LAMB4: variants seen among roughly 807,000 people sequenced by gnomAD.
LAMB4 encodes the protein laminin subunit beta-4.
Under a neutral mutation model 199.2 loss-of-function variants are expected in LAMB4, and 196 were observed. That is an observed-to-expected ratio of 0.98 (90% CI 0.88 to 1.11). The LOEUF is 1.11. Ranked by LOEUF, LAMB4 falls within the 50% of genes least tolerant of loss-of-function variation. LAMB4 has a pLI of 0.00. For missense variants in LAMB4, 2,080 were observed against 2,171.2 expected (o/e 0.96, Z 0.83); for synonymous variants, 744 against 770.6 (o/e 0.97, Z 0.57).
Position 108,104,513 on chromosome 7 carries a change from T to C in LAMB4, c.977A>G (p.Asp326Gly). 6.2e-7 allele frequency: 1 copy of C among 1,614,200 alleles called. No individual in the cohort carries two copies. The highest frequency in any genetic ancestry group is 8.5e-7 in the Non-Finnish European group (1 of 1,180,014). The part of the protein sequence containing the change: ...APWRPAADLQ[D>G]NACRSCSCNS... ...GTTTCACCCACATCTGCAAGCGTTG[T>C]CCTGGAGGTCTGCAGCTGGCCTCCA... Residue 326 changes from aspartate (D) to glycine (G), a missense_variant, in exon 9 of 34, where the codon GAC (aspartate) becomes GGC (glycine). Coordinates refer to ENST00000388781, the MANE Select transcript of LAMB4 (RefSeq NM_007356.3).
Position 108,104,620 on chromosome 7 carries a change from C to T in LAMB4, c.871-1G>A. 1 of 1,613,818 alleles carries T rather than the reference C, an allele frequency of 6.2e-7. No homozygotes were observed. The highest frequency in any genetic ancestry group is 8.5e-7 in the Non-Finnish European group (1 of 1,179,878). ...GCTGACACACACACTGACCGTGAAC[C>T]TGCATTGTGCAATAAATAGAGCGTT... On this transcript the variant is annotated splice_acceptor_variant, in intron 8 of 33. Coordinates refer to ENST00000388781, the MANE Select transcript of LAMB4 (RefSeq NM_007356.3). LOFTEE classifies it high-confidence loss of function.
intron 17 of LAMB4, among the ~76,000 whole-genome samples, chr7:108,073,294 C>G (rs2036595597): frequency 6.6e-6 from 1 of 152,242 alleles, no homozygotes; most frequent in African/African-American, 2.4e-5. Flanking sequence ...GCGTAAGCCA[C>G]CGCGCCCGGC....
downstream of LAMB4, among the ~76,000 whole-genome samples, chr7:108,020,741 A>G (rs2034675461): frequency 6.6e-6 from 1 of 152,222 alleles, no homozygotes; most frequent in African/African-American, 2.4e-5. Context: ...ATGACTCACA[A>G]GCAAAAGGTT....
intron 14 of LAMB4, among the ~76,000 whole-genome samples, chr7:108,080,080 C>T (rs777331687): frequency 6.6e-6 from 1 of 152,162 alleles, no homozygotes; most frequent in Non-Finnish European, 1.5e-5. Flanking sequence ...TGAGCAAATT[C>T]CACATTGATA....
intron 28 of LAMB4, among the ~76,000 whole-genome samples, chr7:108,046,805 T>C (rs551077550): frequency 3.3e-5 from 5 of 152,168 alleles, no homozygotes; most frequent in Admixed American, 3.3e-4. Context: ...AATTTGTATA[T>C]TTAGTAGGTT....
Position 108,037,606 on chromosome 7 carries a change from A to G in LAMB4, c.4472-11T>C. The G allele has an allele frequency of 1.9e-6, 3 of 1,608,932 alleles. No homozygotes were observed. The highest frequency in any genetic ancestry group is 2.6e-6 in the Non-Finnish European group (3 of 1,175,444). On this transcript the variant is annotated splice_polypyrimidine_tract_variant and intron_variant, in intron 29 of 33. Transcript: ENST00000388781. The stretch of plus-strand genomic sequence containing the variant: ...GAGGCACGTTTTCCTCTTAAATAAG[A>G]AGCAGGGTTTTAGGTAATCATGTCT...
rs1235249459 is a variant in LAMB4, at chr7:108,123,155, G to A, written c.10C>T (p.Gln4Ter). 1 of 1,610,944 alleles carries A rather than the reference G, an allele frequency of 6.2e-7. No individual in the cohort carries two copies. Residue 4 changes from glutamine to a stop codon, truncating the protein, a stop_gained, in exon 2 of 34, where the codon CAA (glutamine) becomes TAA (stop). Coordinates refer to ENST00000388781, the MANE Select transcript of LAMB4 (RefSeq NM_007356.3). LOFTEE classifies it high-confidence loss of function. ...CCAAGGTGCAAAAAAAGGGTCAGTT[G>A]AAATTGCATTCTTTTGTCAGGAGAT... MQF[Q>*]LTLFLHLGWL...
intron 2 of LAMB4, 91 bp from the exon 3 acceptor site, chr7:108,116,252 A>T (rs1249118488): frequency 1.6e-6 from 2 of 1,222,046 alleles, no homozygotes; most frequent in East Asian, 4.8e-5. Flanking sequence ...AAAGTTATGT[A>T]TTTATTTAAT....
chr7:108,093,274 C>T (rs1293869475), intron 12 of LAMB4, among the ~76,000 whole-genome samples: 1 of 152,024 alleles, frequency 6.6e-6, no homozygotes, highest in East Asian at 1.9e-4. Flanking sequence ...ACCGTGTTAG[C>T]CAGGCTGGTC....
At position 108,105,954 on chromosome 7, in the gene LAMB4, G is replaced by T. The variant is rs778336326; in HGVS notation, c.733C>A (p.Gln245Lys). Residue 245 changes from glutamine (Q) to lysine (K), a missense_variant, in exon 8 of 34, where the codon CAA becomes AAA. Physicochemically the swap from Gln to Lys is moderately conservative, Grantham distance 53. Transcript: ENST00000388781. ...TLGDALLGRR[Q>K]NDSLDKYYYA... ...TAGTATTTATCAAGGGAATCATTTT[G>T]CCTCCTTCCAAGCAAAGCATCCCCA... The T allele has an allele frequency of 1.2e-6, 2 of 1,614,166 alleles. No individual in the cohort carries two copies. Among genetic ancestry groups the T allele is most frequent in the South Asian group, 1.1e-5 (1 of 91,088 alleles).
At position 108,107,549 on chromosome 7, in the gene LAMB4, T is replaced by C. The variant is rs1473945905; in HGVS notation, c.591+82A>G. On this transcript the variant is annotated intron_variant, in intron 6 of 33. Transcript: ENST00000388781. Reference sequence around the variant, plus strand: ...GCCCAACTTACATTACAGTAAACACTATCGAAAGTTTTTCATTTAAGTTAA... The same window carrying C: ...GCCCAACTTACATTACAGTAAACACCATCGAAAGTTTTTCATTTAAGTTAA... 16 of 1,086,722 alleles carry C rather than the reference T, an allele frequency of 1.5e-5. No homozygotes were observed. In the East Asian group the frequency reaches 3.7e-4, roughly 25 times the overall value. 67.3% of individuals were successfully genotyped at this position (1,086,722 alleles called of 1,614,324 possible). A position where few individuals can be genotyped will look rare whatever the true frequency, so the allele number is the denominator to read the frequency against.
chr7:108,079,707 GT>G lies in LAMB4; in HGVS notation c.1780del (p.Thr594LeufsTer14). ...EPVPGNPVTWTGPGFARVLPG... is the reference protein window; with the variant it reads ...EPVPGNPVTWXGPGFARVLPG... ...GAGAACCCTGGCAAATCCAGGTCCA[GT>G]CCATGTAACAGGGTTCCCAGGAACT... On this transcript the variant is annotated frameshift_variant, in exon 15 of 34. Coordinates refer to ENST00000388781, the MANE Select transcript of LAMB4 (RefSeq NM_007356.3). LOFTEE classifies it high-confidence loss of function. 1 of 1,612,520 alleles carries G rather than the reference GT, an allele frequency of 6.2e-7. No individual in the cohort carries two copies.
In LAMB4 at chr7:108,109,227, T is replaced by C; in HGVS notation, c.346A>G (p.Ile116Val). Residue 116 changes from isoleucine (I) to valine (V), a missense_variant, in exon 5 of 34, where the codon ATC becomes GTC. Ile to Val is a conservative substitution (Grantham distance 29, BLOSUM62 3). Coordinates refer to ENST00000388781, the MANE Select transcript of LAMB4 (RefSeq NM_007356.3). Reference sequence around the variant, plus strand: ...AATAATGCCTCTAAGTCCAGTCTGATGCTGACATGATCAAGACCTAAGGAA... The same window carrying C: ...AATAATGCCTCTAAGTCCAGTCTGACGCTGACATGATCAAGACCTAAGGAA... The part of the protein sequence containing the change: ...QSENGLDHVS[I>V]RLDLEALFRF... The C allele has an allele frequency of 6.2e-7, 1 of 1,613,226 alleles. No homozygotes were observed. The highest frequency in any genetic ancestry group is 8.5e-7 in the Non-Finnish European group (1 of 1,179,444).
At chr7:108,041,679 A>G (rs1305516118) in intron 29 of LAMB4, among the ~76,000 whole-genome samples, 2 of 152,160 alleles carry the variant, frequency 1.3e-5, no homozygotes, top group Admixed American at 1.3e-4. Flanking sequence ...TCACTTATAA[A>G]TGGGAGCTAA....
At chr7:108,030,523 T>C (rs897154356) in intron 32 of LAMB4, among the ~76,000 whole-genome samples, 1 of 152,176 alleles carries the variant, frequency 6.6e-6, no homozygotes, top group Non-Finnish European at 1.5e-5. Context: ...GTTTGGAAGT[T>C]CGGGGCAAAT....
chr7:108,083,340 A>C (rs1298507224), intron 14 of LAMB4, among the ~76,000 whole-genome samples: 2 of 152,154 alleles, frequency 1.3e-5, no homozygotes, highest in Admixed American at 6.6e-5. Context: ...AATCCCCTAC[A>C]TTGAGGGCTA....
In LAMB4 at chr7:108,068,108, C is replaced by G; in HGVS notation, c.2354G>C (p.Gly785Ala). ...AAGAGGTTTACACTGGCACTGGCCT[C>G]CAAGTCGGCTGCAGCTGGATCCGAC... ...GSVGSSCSRL[G>A]GQCQCKPLVV... The change falls in exon 19 of 34, where the codon GGA becomes GCA. Residue 785 changes from glycine to alanine, a missense_variant. By Grantham distance (60) the Gly-to-Ala change is moderately conservative (BLOSUM62 0). Transcript: ENST00000388781. 6.2e-7 allele frequency: 1 copy of G among 1,614,180 alleles called. No homozygotes were observed. The highest frequency in any genetic ancestry group is 8.5e-7 in the Non-Finnish European group (1 of 1,180,032).
intron 14 of LAMB4, among the ~76,000 whole-genome samples, chr7:108,086,785 A>G (rs752509778): frequency 1.3e-5 from 2 of 152,192 alleles, no homozygotes; most frequent in Non-Finnish European, 2.9e-5. Flanking sequence ...TGAACCACCC[A>G]TATTAGAATC....
intron 4 of LAMB4, 28 bp downstream of exon 4, chr7:108,111,783 A>C: frequency 6.3e-7 from 1 of 1,596,772 alleles, no homozygotes; most frequent in Non-Finnish European, 8.6e-7. Context: ...TGAAGAAATA[A>C]ACAACTGGAA....
Sources: gnomAD v4.1 joint callset for allele counts (sites outside exome capture counted in the v4.1 genomes callset) on GRCh38, gnomAD v4.1.1 for gene constraint, MANE v1.5 for transcripts, NCBI Gene and HGNC (gene_info 2026-07-23, HGNC 2026-07-21) for gene names.